Variants in HPSE2 observed in about 807,000 individuals in gnomAD.
The protein encoded by HPSE2 is heparanase 2 (inactive).
HPSE2 carries 38 observed loss-of-function variants against 60.5 expected under a neutral mutation model. The ratio of observed to expected loss-of-function variants is 0.63; its 90% CI spans 0.48 to 0.82. The LOEUF (loss-of-function observed/expected upper bound fraction) is 0.82, where lower values mean the gene tolerates loss of function less well. Ranked by LOEUF, HPSE2 falls within the 40% of genes least tolerant of loss-of-function variation. HPSE2 has a pLI of 0.00. For missense variants in HPSE2, 713 were observed against 740.4 expected, an observed-to-expected ratio of 0.96 and a Z score of 0.43; for synonymous variants, 295 against 293.2, an observed-to-expected ratio of 1.01 and a Z score of -0.06.
intron 2 of HPSE2, among the ~76,000 whole-genome samples, chr10:99,229,031 G>A (rs115161165): frequency 0.016 from 2,370 of 151,856 alleles, 64 homozygotes; most frequent in African/African-American, 0.054. Flanking sequence ...AAAAATTAGC[G>A]AGGCATGGTG....
chr10:98,749,404 C>G (rs1184161200), intron 3 of HPSE2, among the ~76,000 whole-genome samples: 1 of 151,158 alleles, frequency 6.6e-6, no homozygotes, highest in Non-Finnish European at 1.5e-5. Flanking sequence ...GCGTGTATAT[C>G]TGTACATATA....
At chr10:98,634,802 C>T (rs566817943) in intron 7 of HPSE2, among the ~76,000 whole-genome samples, 16 of 152,280 alleles carry the variant, frequency 1.1e-4, no homozygotes, top group East Asian at 3.9e-4. Flanking sequence ...GCTCATATGA[C>T]GAACCATACA....
rs138583806 is a variant in HPSE2, at chr10:98,953,116, C to T, written c.610+191122G>A. 6.2e-4 allele frequency among the ~76,000 whole-genome samples: 95 copies of T among 152,280 alleles called. No homozygotes were observed. The East Asian group carries it at 0.017, about 27-fold the overall frequency. The stretch of plus-strand genomic sequence containing the variant: ...CATAGTTGAAAAAAGATGCTGAAGG[C>T]TCCTGGTGGACAAGGGGAATATGTC... On this transcript the variant is annotated intron_variant, in intron 3 of 11. Transcript: ENST00000370552.
the HPSE2 span, among the ~76,000 whole-genome samples, chr10:99,255,469 T>C: frequency 6.6e-6 from 1 of 152,086 alleles, no homozygotes; most frequent in African/African-American, 2.4e-5. Context: ...AAGTTGGGCT[T>C]ATCCAGGAAT....
intron 2 of HPSE2, among the ~76,000 whole-genome samples, chr10:99,162,637 T>C (rs1378389023): frequency 6.6e-6 from 1 of 152,168 alleles, no homozygotes; most frequent in Non-Finnish European, 1.5e-5. Flanking sequence ...CAAGCCAAAG[T>C]ACTCATTATC....
At chr10:98,538,798 G>T (rs1203751076) in intron 9 of HPSE2, among the ~76,000 whole-genome samples, 1 of 152,170 alleles carries the variant, frequency 6.6e-6, no homozygotes, top group African/African-American at 2.4e-5. Context: ...CATCTCTAGA[G>T]AACTGCTTGT....
chr10:99,183,767 C>T lies in HPSE2; in HGVS notation c.449-39368G>A, dbSNP rs113906822. On this transcript the variant is annotated intron_variant, in intron 2 of 11. Coordinates refer to ENST00000370552, the MANE Select transcript of HPSE2 (RefSeq NM_021828.5). ...CCCTGGTGTTTCTATAACAGAACCA[C>T]CAGGAAGAAGTAAGTGAAGCAATCA... Among the ~76,000 whole-genome samples, 329 of 152,236 alleles carry T rather than the reference C, an allele frequency of 2.2e-3. 1 individual carries two copies. The highest frequency in any genetic ancestry group is 7.4e-3 in the African/African-American group (308 of 41,550).
At chr10:98,468,190 G>A (rs1380893388) in intron 11 of HPSE2, among the ~76,000 whole-genome samples, 1 of 152,258 alleles carries the variant, frequency 6.6e-6, no homozygotes, top group African/African-American at 2.4e-5. Context: ...TTTCCTGCTC[G>A]GTGGGGAGAC....
At chr10:98,696,292 T>TAA (rs71009706) in intron 5 of HPSE2, among the ~76,000 whole-genome samples, 2,977 of 89,440 alleles carry the variant, frequency 0.033, 329 homozygotes, top group Non-Finnish European at 0.046. Context: ...GAGGCTCCCA[T>TAA]AAAAAAAAAA....
At chr10:98,886,661 C>T (rs935966218) in intron 3 of HPSE2, among the ~76,000 whole-genome samples, 8 of 151,988 alleles carry the variant, frequency 5.3e-5, no homozygotes, top group African/African-American at 1.7e-4. Context: ...AAGTTCCTAC[C>T]GTGTTAAAGG....
chr10:99,153,568 A>C (rs1438456205), intron 2 of HPSE2, among the ~76,000 whole-genome samples: 10 of 151,548 alleles, frequency 6.6e-5, no homozygotes, highest in East Asian at 3.9e-4. Context: ...AAACTAACAA[A>C]CAGAAAGGAC....
intron 3 of HPSE2, among the ~76,000 whole-genome samples, chr10:99,135,525 A>C (rs946526882): frequency 6.6e-6 from 1 of 152,234 alleles, no homozygotes; most frequent in African/African-American, 2.4e-5. Flanking sequence ...ACCACAGTGC[A>C]ATCAAACTAG....
intron 2 of HPSE2, among the ~76,000 whole-genome samples, chr10:99,222,702 C>A (rs1849352794): frequency 6.6e-6 from 1 of 152,090 alleles, no homozygotes; most frequent in Non-Finnish European, 1.5e-5. Context: ...AATATACCTC[C>A]TTCCTAGAGA....
intron 10 of HPSE2, among the ~76,000 whole-genome samples, chr10:98,489,474 C>G (rs1211889664): frequency 6.6e-6 from 1 of 152,184 alleles, no homozygotes; most frequent in Non-Finnish European, 1.5e-5. Flanking sequence ...TTTCACTTAG[C>G]CTCTTAATTT....
At chr10:99,223,671 G>C (rs1849383368) in intron 2 of HPSE2, among the ~76,000 whole-genome samples, 1 of 152,092 alleles carries the variant, frequency 6.6e-6, no homozygotes, top group African/African-American at 2.4e-5. Flanking sequence ...TATGATGGTG[G>C]TTATATCTAT....
rs923363374 is a variant in HPSE2 at position 98,536,895 on chromosome 10, G to A, written c.1321-46699C>T. ...AGAACAGAGCGCAAGAAGAAGGATG[G>A]CACAAGATGGGGTTGGAGATGTGGG... On this transcript the variant is annotated intron_variant, in intron 9 of 11. Coordinates refer to ENST00000370552, the MANE Select transcript of HPSE2 (RefSeq NM_021828.5). Among the ~76,000 whole-genome samples the A allele has an allele frequency of 3.9e-5, 6 of 152,216 alleles. No individual in the cohort carries two copies. In the East Asian group the frequency reaches 1.2e-3, roughly 29 times the overall value.
Position 99,088,163 on chromosome 10 carries a change from C to G in HPSE2, c.610+56075G>C, listed in dbSNP as rs764859497. Among the ~76,000 whole-genome samples, 5 of 152,106 alleles carry G rather than the reference C, an allele frequency of 3.3e-5. No individual in the cohort carries two copies. In the East Asian group the frequency reaches 9.7e-4, roughly 29 times the overall value. On this transcript the variant is annotated intron_variant, in intron 3 of 11. Coordinates refer to ENST00000370552, the MANE Select transcript of HPSE2 (RefSeq NM_021828.5). ...CCTGCTCCCCAAGTACTTTAGGTCT[C>G]CCTCAAATGCCACTTTCCCAGTGAC...
At chr10:99,278,230 C>A in the HPSE2 span, among the ~76,000 whole-genome samples, 1 of 151,918 alleles carries the variant, frequency 6.6e-6, no homozygotes, top group Non-Finnish European at 1.5e-5. Context: ...ATAGACATGG[C>A]TGTTTCTGGA....
rs558991441 is a variant in HPSE2, at chr10:98,904,950, G to A, written c.611-160894C>T. On this transcript the variant is annotated intron_variant, in intron 3 of 11. Coordinates refer to ENST00000370552, the MANE Select transcript of HPSE2 (RefSeq NM_021828.5). ...AATATTTCAGTGTTCTGACTCTTCT[G>A]TGTAAACATTTCTATCTTAATGACA... Among the ~76,000 whole-genome samples, 21 of 152,240 alleles carry A rather than the reference G, an allele frequency of 1.4e-4. No individual in the cohort carries two copies. In the South Asian group the frequency reaches 4.4e-3, roughly 32 times the overall value.
Sources: allele counts gnomAD v4.1 joint callset (sites outside exome capture counted in the v4.1 genomes callset), GRCh38; gene constraint gnomAD v4.1.1; transcripts MANE v1.5; gene names NCBI Gene and HGNC (gene_info 2026-07-23, HGNC 2026-07-21).